Variants in RIPK1 observed in about 807,000 individuals in gnomAD.
The protein encoded by RIPK1 is receptor interacting serine/threonine kinase 1.
A neutral mutation model predicts 62.4 loss-of-function variants in RIPK1; 27 were observed. That is an observed-to-expected ratio of 0.43 (90% CI 0.32 to 0.60). RIPK1 has a LOEUF of 0.60. Among genes scored for constraint, RIPK1 ranks in the 20% least tolerant of loss-of-function variants. The pLI, the probability that RIPK1 is intolerant of heterozygous loss-of-function variation, is 0.07. For missense variants in RIPK1, 735 were observed against 831.0 expected (o/e 0.88, Z 1.42); for synonymous variants, 287 against 303.2 (o/e 0.95, Z 0.55).
chr6:3,084,219 T>C (rs1443691775), intron 5 of RIPK1, among the ~76,000 whole-genome samples: 1 of 152,192 alleles, frequency 6.6e-6, no homozygotes, highest in Non-Finnish European at 1.5e-5. Context: ...GCAGCCAAAA[T>C]GGTCGTCCTA....
At chr6:3,073,486 C>T (rs1758871554) in intron 1 of RIPK1, among the ~76,000 whole-genome samples, 1 of 152,080 alleles carries the variant, frequency 6.6e-6, no homozygotes, top group Non-Finnish European at 1.5e-5. Context: ...AGCTATGGCT[C>T]CTGGTCTCTT....
intron 7 of RIPK1, among the ~76,000 whole-genome samples, chr6:3,096,180 C>A (rs1760281835): frequency 6.6e-6 from 1 of 152,158 alleles, no homozygotes; most frequent in Non-Finnish European, 1.5e-5. Flanking sequence ...CTACTTACCA[C>A]CCCTATTTCT....
At chr6:3,065,261 T>C (rs1240447323), upstream of RIPK1, among the ~76,000 whole-genome samples, 364 of 42,158 alleles carry the variant, frequency 8.6e-3, 9 homozygotes, top group Admixed American at 0.1. Context: ...CCAGACTCCG[T>C]CTCAAAAAAA....
intron 10 of RIPK1, among the ~76,000 whole-genome samples, chr6:3,111,465 C>T (rs761072411): frequency 3.3e-5 from 5 of 151,138 alleles, no homozygotes; most frequent in African/African-American, 4.9e-5. Context: ...GAGGCCAAAA[C>T]GACTTGATTA....
chr6:3,083,959 C>T (rs1759556987), intron 5 of RIPK1, among the ~76,000 whole-genome samples: 2 of 152,152 alleles, frequency 1.3e-5, no homozygotes, highest in South Asian at 4.1e-4. Context: ...TCTTCATATG[C>T]TTGGGAAGTG....
upstream of RIPK1, among the ~76,000 whole-genome samples, chr6:3,066,792 T>C (rs150809998): frequency 4.2e-3 from 640 of 152,276 alleles, 6 homozygotes; most frequent in African/African-American, 0.015. Flanking sequence ...TTTTGCTCTT[T>C]GTGTATATTC....
intron 2 of RIPK1, 136 bp from the exon 3 acceptor site, chr6:3,077,643 C>T (rs1759145203): frequency 1.1e-6 from 1 of 902,520 alleles, no homozygotes. Context: ...TCTAACGCTT[C>T]TGGCCTGTGC....
At chr6:3,073,024 G>GACAA (rs1758819296) in intron 1 of RIPK1, among the ~76,000 whole-genome samples, 1 of 152,128 alleles carries the variant, frequency 6.6e-6, no homozygotes, top group African/African-American at 2.4e-5. Context: ...CACCCGTGTG[G>GACAA]ATAAACACAT....
At chr6:3,079,754 AT>A (rs1759279567) in intron 3 of RIPK1, among the ~76,000 whole-genome samples, 1 of 152,236 alleles carries the variant, frequency 6.6e-6, no homozygotes, top group Non-Finnish European at 1.5e-5. Flanking sequence ...GCATGGTATT[AT>A]AGTTTGATCA....
At chr6:3,101,418 G>A (rs908201909) in intron 7 of RIPK1, among the ~76,000 whole-genome samples, 2 of 152,208 alleles carry the variant, frequency 1.3e-5, no homozygotes, top group Non-Finnish European at 2.9e-5. Flanking sequence ...CCATGCCACT[G>A]CACTCCTGCC....
In RIPK1 at chr6:3,094,647, A is replaced by T. The variant is rs1760190560; in HGVS notation, c.915+4990A>T. Among the ~76,000 whole-genome samples, 4 of 151,546 alleles carry T rather than the reference A, an allele frequency of 2.6e-5. No individual in the cohort carries two copies. In the South Asian group the frequency reaches 8.3e-4, roughly 31 times the overall value. On this transcript the variant is annotated intron_variant, in intron 7 of 10. Transcript: ENST00000259808. Reference sequence around the variant, plus strand: ...TAGCCAAACATTATCTGAAGAAGATAGCAAATAAACCTAGAGAAAAAAGAA... The same window carrying T: ...TAGCCAAACATTATCTGAAGAAGATTGCAAATAAACCTAGAGAAAAAAGAA...
At chr6:3,084,976 A>G (rs936273468) in intron 5 of RIPK1, among the ~76,000 whole-genome samples, 11 of 152,146 alleles carry the variant, frequency 7.2e-5, no homozygotes, top group African/African-American at 2.7e-4. Context: ...ACTGCCCTGT[A>G]TTTGCTTTTG....
At chr6:3,069,658 C>A (rs1401770430) in intron 1 of RIPK1, among the ~76,000 whole-genome samples, 3 of 152,240 alleles carry the variant, frequency 2.0e-5, no homozygotes, top group Non-Finnish European at 4.4e-5. Context: ...TAGTACTCAT[C>A]TGCATTCTGT....
chr6:3,089,562 G>A lies in RIPK1; in HGVS notation c.839-19G>A, dbSNP rs972869947. The stretch of plus-strand genomic sequence containing the variant: ...TTAGAAAATAATTAAGAAATTTAAA[G>A]TACATTTTACTTTTACAGGCATTGA... On this transcript the variant is annotated intron_variant, in intron 6 of 10. Coordinates refer to ENST00000259808, the MANE Select transcript of RIPK1 (RefSeq NM_001354930.2). 4.5e-6 allele frequency: 5 copies of A among 1,119,498 alleles called. No individual in the cohort carries two copies. Among genetic ancestry groups the A allele is most frequent in the Non-Finnish European group, 6.7e-6 (5 of 745,716 alleles). 69.3% of individuals were successfully genotyped at this position (1,119,498 alleles called of 1,614,324 possible).
upstream of RIPK1, among the ~76,000 whole-genome samples, chr6:3,064,631 G>A (rs1354462301): frequency 6.6e-6 from 1 of 152,168 alleles, no homozygotes; most frequent in Non-Finnish European, 1.5e-5. Context: ...CTTTCGGGAG[G>A]AAGGGTCGTG....
chr6:3,101,942 C>A (rs773459698), intron 7 of RIPK1, among the ~76,000 whole-genome samples: 7 of 152,146 alleles, frequency 4.6e-5, no homozygotes, highest in Admixed American at 3.3e-4. Context: ...TAAACGGTAA[C>A]TCCCCATTCC....
At chr6:3,082,833 C>G (rs1012870615) in intron 4 of RIPK1, among the ~76,000 whole-genome samples, 5 of 152,200 alleles carry the variant, frequency 3.3e-5, no homozygotes, top group African/African-American at 9.7e-5. Flanking sequence ...TTCCCCTCCC[C>G]CTTACTGCAT....
chr6:3,090,374 G>A (rs185920425), intron 7 of RIPK1, among the ~76,000 whole-genome samples: 10 of 152,074 alleles, frequency 6.6e-5, no homozygotes, highest in African/African-American at 2.2e-4. Flanking sequence ...AGGAGACTAC[G>A]ACAAATAAAA....
chr6:3,068,176 C>T (rs1758468662), upstream of RIPK1: 15 of 977,176 alleles, frequency 1.5e-5, no homozygotes, highest in Middle Eastern at 1.0e-3. Flanking sequence ...AACAGCCCCA[C>T]TTTACAGATG....
Sources: gnomAD v4.1 joint callset for allele counts (sites outside exome capture counted in the v4.1 genomes callset) on GRCh38, gnomAD v4.1.1 for gene constraint, MANE v1.5 for transcripts, NCBI Gene and HGNC (gene_info 2026-07-23, HGNC 2026-07-21) for gene names.